BSN: variants seen among roughly 807,000 people sequenced by gnomAD.
BSN encodes the protein bassoon presynaptic cytomatrix protein, also known as protein bassoon.
BSN carries 57 observed loss-of-function variants against 264.8 expected under a neutral mutation model. The ratio of observed to expected loss-of-function variants is 0.22; its 90% CI spans 0.17 to 0.27. BSN has a LOEUF of 0.27. Among genes scored for constraint, BSN ranks in the 10% least tolerant of loss-of-function variants. The pLI is 1.00. For synonymous variants in BSN, 2,059 were observed against 2,137.3 expected, an observed-to-expected ratio of 0.96 and a Z score of 1.01; for missense variants, 4,615 against 5,232.5, an observed-to-expected ratio of 0.88 and a Z score of 3.64.
In BSN at chr3:49,655,920, C is replaced by A. The variant is rs1273511742; in HGVS notation, c.6364C>A (p.Pro2122Thr). 1 of 1,611,732 alleles carries A rather than the reference C, an allele frequency of 6.2e-7. No individual in the cohort carries two copies. Among genetic ancestry groups the A allele is most frequent in the Non-Finnish European group, 8.5e-7 (1 of 1,179,956 alleles). Residue 2122 changes from proline to threonine, a missense_variant, in exon 5 of 12, where the codon CCT (proline) becomes ACT (threonine). Transcript: ENST00000296452. ...GGRHGSGGGGPDLVQYQPQHG... is the reference protein window; with the variant it reads ...GGRHGSGGGGTDLVQYQPQHG... ...GCGGCATGGCAGTGGTGGTGGTGGCCCTGACCTTGTGCAGTACCAGCCCCA... is the reference window on the plus strand; with the variant it reads ...GCGGCATGGCAGTGGTGGTGGTGGCACTGACCTTGTGCAGTACCAGCCCCA...
chr3:49,662,655 G>T, intron 6 of BSN, 93 bp downstream of exon 6: 1 of 1,505,648 alleles, frequency 6.6e-7, no homozygotes, highest in South Asian at 1.4e-5. Context: ...TCCCAGCAGG[G>T]TCTGGTCTGG....
Position 49,651,682 on chromosome 3 carries a change from A to T in BSN, c.2126A>T (p.Asp709Val), listed in dbSNP as rs766406168. Residue 709 changes from aspartate to valine, a missense_variant, in exon 5 of 12, where the codon GAC (aspartate) becomes GTC (valine). Around this residue, in one of 3 missense-constraint regions of BSN, gnomAD observed 1,197 missense variants for 1,348.0 expected, o/e 0.89. Transcript: ENST00000296452. This position sits in a 1 kb window ranked among gnomAD's most constrained non-coding sequence, Gnocchi z 5.4. ...GTGCAGCAGGAGGTGGAACAGCTGGACAGTGCAGGGGTGACAGGGCCACAT... is the reference window on the plus strand; with the variant it reads ...GTGCAGCAGGAGGTGGAACAGCTGGTCAGTGCAGGGGTGACAGGGCCACAT... ...GVVQQEVEQL[D>V]SAGVTGPHPP... 1.2e-6 allele frequency: 2 copies of T among 1,614,062 alleles called. No homozygotes were observed. The highest frequency in any genetic ancestry group is 1.7e-6 in the Non-Finnish European group (2 of 1,180,024).
intron 3 of BSN, among the ~76,000 whole-genome samples, chr3:49,649,200 T>C (rs1279934033): frequency 6.6e-6 from 1 of 152,180 alleles, no homozygotes; most frequent in Admixed American, 6.5e-5. Context: ...GCATGTGAAG[T>C]GAGGGTACTG....
chr3:49,657,889 C>G lies in BSN; in HGVS notation c.8333C>G (p.Ser2778Cys), dbSNP rs1444074174. 3 of 1,613,804 alleles carry G rather than the reference C, an allele frequency of 1.9e-6. No homozygotes were observed. Among genetic ancestry groups the G allele is most frequent in the East Asian group, 2.2e-5 (1 of 44,880 alleles). Residue 2778 changes from serine to cysteine, a missense_variant, in exon 5 of 12, where the codon TCT (serine) becomes TGT (cysteine). Physicochemically the swap from Ser to Cys is moderately radical, Grantham distance 112. Coordinates refer to ENST00000296452, the MANE Select transcript of BSN (RefSeq NM_003458.4). ...TACCAGGCCCACCTGCCTCCGGAGT[C>G]TCTCTCACAGCTTGTGAGCCGCCAG... ...IGYQAHLPPE[S>C]LSQLVSRQPP...
At chr3:49,658,814 T>C (rs2052631945) in intron 5 of BSN, among the ~76,000 whole-genome samples, 1 of 152,210 alleles carries the variant, frequency 6.6e-6, no homozygotes, top group African/African-American at 2.4e-5. Flanking sequence ...AAGCATAAGC[T>C]TACCCTTGGT....
chr3:49,625,374 T>A lies in BSN; in HGVS notation c.624T>A (p.His208Gln). ...CNQCGFNPNP[H>Q]LTQVKEWLCL... is the part of the protein sequence containing the mutation. ...AGTGTGGGTTCAACCCCAACCCTCA[T>A]CTCACCCAGGTAACCACTTCTGCGC... Residue 208 changes from histidine (H) to glutamine (Q), a missense_variant, in exon 2 of 12, where the codon CAT becomes CAA. This residue lies in a region of BSN where 1,197 missense variants were observed against 1,348.0 expected (regional missense o/e 0.89). Transcript: ENST00000296452. The surrounding 1 kb of genome is among the most constrained non-coding windows in gnomAD (Gnocchi z 4.4). 6.7e-7 allele frequency: 1 copy of A among 1,485,332 alleles called. No individual in the cohort carries two copies. Among genetic ancestry groups the A allele is most frequent in the Middle Eastern group, 1.8e-4 (1 of 5,570 alleles). 92.0% of individuals were successfully genotyped at this position (1,485,332 alleles called of 1,614,324 possible).
In BSN at chr3:49,651,401, G is replaced by T. The variant is rs2052540075; in HGVS notation, c.1987-142G>T. On this transcript the variant is annotated intron_variant, in intron 4 of 11. Transcript: ENST00000296452. This position sits in a 1 kb window ranked among gnomAD's most constrained non-coding sequence, Gnocchi z 5.4. ...ACCTTCAGGTTATTCAAGGCCAGAA[G>T]GAGATAGGGTGGGTGGCGGGCCCTA... 1 of 916,280 alleles carries T rather than the reference G, an allele frequency of 1.1e-6. No individual in the cohort carries two copies. Among genetic ancestry groups the T allele is most frequent in the South Asian group, 1.8e-5 (1 of 56,144 alleles). 56.8% of individuals were successfully genotyped at this position (916,280 alleles called of 1,614,324 possible). A position where few individuals can be genotyped will look rare whatever the true frequency, so the allele number is the denominator to read the frequency against.
At chr3:49,591,446 G>C (rs2051976579) in intron 1 of BSN, among the ~76,000 whole-genome samples, 1 of 152,158 alleles carries the variant, frequency 6.6e-6, no homozygotes, top group Admixed American at 6.5e-5. Flanking sequence ...TTATGGTATT[G>C]TGTGGTGTCA....
chr3:49,652,318 G>T lies in BSN; in HGVS notation c.2762G>T (p.Ser921Ile). Residue 921 changes from serine to isoleucine, a missense_variant, in exon 5 of 12, where the codon AGT becomes ATT. By Grantham distance (142) the Ser-to-Ile change is moderately radical (BLOSUM62 -2). Transcript: ENST00000296452. The stretch of plus-strand genomic sequence containing the variant: ...GGCTCAGCAGAGGCTACCGATGGCA[G>T]TGGGACCCTGCAGGGTGGGCTCCGT... ...EGGSAEATDG[S>I]GTLQGGLRRF... 1 of 1,599,826 alleles carries T rather than the reference G, an allele frequency of 6.3e-7. No individual in the cohort carries two copies. The highest frequency in any genetic ancestry group is 8.5e-7 in the Non-Finnish European group (1 of 1,172,478).
chr3:49,657,866 C>T lies in BSN; in HGVS notation c.8310C>T (p.Tyr2770=), dbSNP rs1393585992. The part of the protein sequence containing the change: ...KKKPDPLEIG[Y]QAHLPPESLS... ...AGCCAGATCCCCTGGAGATTGGGTACCAGGCCCACCTGCCTCCGGAGTCTC... is the reference window on the plus strand; with the variant it reads ...AGCCAGATCCCCTGGAGATTGGGTATCAGGCCCACCTGCCTCCGGAGTCTC... Residue 2770 remains tyrosine (Y), a synonymous_variant, in exon 5 of 12, where the codon TAC becomes TAT. Coordinates refer to ENST00000296452, the MANE Select transcript of BSN (RefSeq NM_003458.4). 3.1e-6 allele frequency: 5 copies of T among 1,613,298 alleles called. No homozygotes were observed. The highest frequency in any genetic ancestry group is 2.2e-5 in the East Asian group (1 of 44,898).
intron 1 of BSN, among the ~76,000 whole-genome samples, chr3:49,557,582 T>G (rs567640557): frequency 2.0e-5 from 3 of 150,396 alleles, no homozygotes; most frequent in South Asian, 4.3e-4. Flanking sequence ...TCAGTTTTTT[T>G]TTTTTTTTTT....
At chr3:49,567,983 A>G (rs1180271094) in intron 1 of BSN, among the ~76,000 whole-genome samples, 4 of 152,140 alleles carry the variant, frequency 2.6e-5, no homozygotes, top group Non-Finnish European at 5.9e-5. Context: ...GCCTCATAGC[A>G]TGGTTGCTGA....
intron 1 of BSN, among the ~76,000 whole-genome samples, chr3:49,579,672 C>T (rs1241578690): frequency 5.3e-5 from 8 of 152,104 alleles, no homozygotes; most frequent in Admixed American, 6.6e-5. Context: ...CCACCAGCCT[C>T]GGCCTCCCAA....
chr3:49,655,186 C>T lies in BSN; in HGVS notation c.5630C>T (p.Thr1877Ile). Residue 1877 changes from threonine (T) to isoleucine (I), a missense_variant, in exon 5 of 12, where the codon ACA becomes ATA. Coordinates refer to ENST00000296452, the MANE Select transcript of BSN (RefSeq NM_003458.4). ...MGEGTAGTVT[T>I]LLPEEPAGAL... ...GAGGGCACAGCAGGCACTGTGACCACACTGCTCCCAGAGGAGCCTGCGGGT... is the reference window on the plus strand; with the variant it reads ...GAGGGCACAGCAGGCACTGTGACCATACTGCTCCCAGAGGAGCCTGCGGGT... 6.2e-7 allele frequency: 1 copy of T among 1,612,932 alleles called. No individual in the cohort carries two copies. The highest frequency in any genetic ancestry group is 8.5e-7 in the Non-Finnish European group (1 of 1,179,898).
chr3:49,571,672 TC>T (rs2051796607), intron 1 of BSN, among the ~76,000 whole-genome samples: 1 of 152,082 alleles, frequency 6.6e-6, no homozygotes, highest in East Asian at 1.9e-4. Flanking sequence ...AGATTGTTCA[TC>T]CCTTTCTTCC....
At chr3:49,564,053 A>G (rs890568203) in intron 1 of BSN, among the ~76,000 whole-genome samples, 4 of 152,074 alleles carry the variant, frequency 2.6e-5, no homozygotes, top group African/African-American at 7.2e-5. Flanking sequence ...TCTGGACTTC[A>G]CTTCTCCAGC....
chr3:49,563,940 C>T (rs1478114421), intron 1 of BSN, among the ~76,000 whole-genome samples: 1 of 152,194 alleles, frequency 6.6e-6, no homozygotes, highest in Non-Finnish European at 1.5e-5. Context: ...CTCTCCAGCA[C>T]CGCTGACTTA....
At position 49,670,351 on chromosome 3, in the gene BSN, C is replaced by CT. The variant is rs2052746387; in HGVS notation, c.*2867dup. ...GGCAGGGAAATGTTAGGAGGTCAGC[C>CT]TCCAGCAGGCCTAGTCTCAGGCTCT... On this transcript the variant is annotated 3_prime_UTR_variant, in exon 12 of 12. Coordinates refer to ENST00000296452, the MANE Select transcript of BSN (RefSeq NM_003458.4). 6.6e-6 allele frequency: 1 copy of CT among 152,242 alleles called. No individual in the cohort carries two copies. The highest frequency in any genetic ancestry group is 6.5e-5 in the Admixed American group (1 of 15,286). The allele number at this position is 152,242 out of a possible 1,614,324, so 9.4% of individuals were successfully genotyped here.
rs200400729 is a variant in BSN at position 49,565,830 on chromosome 3, A to AT, written c.224+11013dup. Among the ~76,000 whole-genome samples the AT allele has an allele frequency of 2.2e-4, 33 of 151,084 alleles. 1 individual carries two copies. Among genetic ancestry groups the AT allele is most frequent in the Admixed American group, 1.4e-3 (21 of 15,172 alleles). On this transcript the variant is annotated intron_variant, in intron 1 of 11. Coordinates refer to ENST00000296452, the MANE Select transcript of BSN (RefSeq NM_003458.4). ...AATGACATTTTATTTTATTTAATGT[A>AT]TTTTTTTTTGAGACGGAGTCTCGCC... is the stretch of plus-strand genomic sequence containing the variant.
Sources: allele counts gnomAD v4.1 joint callset (sites outside exome capture counted in the v4.1 genomes callset), GRCh38; gene constraint gnomAD v4.1.1; regional missense constraint gnomAD v4.1.1; non-coding constraint Gnocchi (gnomAD v3.1); transcripts MANE v1.5; gene names NCBI Gene and HGNC (gene_info 2026-07-23, HGNC 2026-07-21).